Variants in MMS19 observed in about 807,000 individuals in gnomAD.
The protein encoded by MMS19 is MMS19 nucleotide excision repair protein homolog.
MMS19 carries 77 observed loss-of-function variants against 129.8 expected under a neutral mutation model. That is an observed-to-expected ratio of 0.59 (90% CI 0.49 to 0.72). The LOEUF (loss-of-function observed/expected upper bound fraction) is 0.72, where lower values mean the gene tolerates loss of function less well. MMS19 is among the 30% of genes least tolerant of loss of function. The pLI, the probability that MMS19 is intolerant of heterozygous loss-of-function variation, is 0.00. For synonymous variants in MMS19, 491 were observed against 502.8 expected (o/e 0.98, Z 0.31); for missense variants, 1,168 against 1,266.3 (o/e 0.92, Z 1.18).
chr10:97,458,948 A>G (rs1467252011), intron 29 of MMS19, 48 bp from the exon 30 acceptor site: 2 of 1,561,718 alleles, frequency 1.3e-6, no homozygotes, highest in Non-Finnish European at 1.8e-6. Flanking sequence ...AAGGCAACTG[A>G]AAGTACCGCT....
chr10:97,477,233 C>G (rs1181160990), intron 6 of MMS19, 114 bp downstream of exon 6: 14 of 1,561,036 alleles, frequency 9.0e-6, no homozygotes, highest in Non-Finnish European at 1.2e-5. Flanking sequence ...CTTTATCATT[C>G]TCTCTCAGGA....
intron 10 of MMS19, 135 bp downstream of exon 10, chr10:97,469,994 A>G: frequency 1.4e-6 from 1 of 703,014 alleles, no homozygotes. Context: ...CTTCAGGTCG[A>G]CACAAAGGCC....
rs29001248 is a variant in MMS19 at position 97,498,125 on chromosome 10, G to A, written c.112+148C>T. On this transcript the variant is annotated intron_variant, in intron 1 of 30. Coordinates refer to ENST00000438925, the MANE Select transcript of MMS19 (RefSeq NM_022362.5). ...CACAGGCAACTCTCTAACTTGTTAC[G>A]GCTCTGAACCTCGCGGTGCTCACTA... is the stretch of plus-strand genomic sequence containing the variant. The A allele has an allele frequency of 1.4e-3, 943 of 668,742 alleles. 14 individuals are homozygous for A. In the African/African-American group the frequency reaches 0.015, roughly 11 times the overall value. 41.4% of individuals were successfully genotyped at this position (668,742 alleles called of 1,614,324 possible).
At chr10:97,469,207 T>C (rs2034177894) in intron 11 of MMS19, 103 bp from the exon 12 acceptor site, 8 of 1,401,624 alleles carry the variant, frequency 5.7e-6, no homozygotes, top group Middle Eastern at 1.8e-4. Context: ...TGAGAACCTC[T>C]AGGACACAGA....
intron 9 of MMS19, among the ~76,000 whole-genome samples, 196 bp downstream of exon 9, chr10:97,470,579 G>A (rs749970526): frequency 6.6e-6 from 1 of 152,128 alleles, no homozygotes; most frequent in South Asian, 2.1e-4. Context: ...GTGTGCCACT[G>A]AATCCAGCTC....
chr10:97,470,872 G>A lies in MMS19; in HGVS notation c.685-11C>T, dbSNP rs751550120. On this transcript the variant is annotated splice_polypyrimidine_tract_variant and intron_variant, in intron 8 of 30. Transcript: ENST00000438925. The stretch of plus-strand genomic sequence containing the variant: ...GGGATCATTAGGTGGCTGGAAAAGG[G>A]AGAAGGGCTGTGGGTTTGTGTAACA... 1.2e-6 allele frequency: 2 copies of A among 1,613,054 alleles called. No individual in the cohort carries two copies. The highest frequency in any genetic ancestry group is 3.3e-5 in the Admixed American group (2 of 59,988).
At position 97,462,880 on chromosome 10, in the gene MMS19, G is replaced by A. The variant is rs938107300; in HGVS notation, c.1913-198C>T. On this transcript the variant is annotated intron_variant, in intron 19 of 30. Transcript: ENST00000438925. ...GAGTGGTCTGACCTGGGGCCACAGA[G>A]CGCTCCTGAGAACTCTGCACAGTCT... 1.4e-4 allele frequency: 83 copies of A among 590,490 alleles called. No homozygotes were observed. The Middle Eastern group carries it at 1.8e-3, about 13-fold the overall frequency. The allele number at this position is 590,490 out of a possible 1,614,324, so 36.6% of individuals were successfully genotyped here.
chr10:97,472,228 A>C (rs1009601415), intron 8 of MMS19, among the ~76,000 whole-genome samples: 3 of 152,190 alleles, frequency 2.0e-5, no homozygotes, highest in Non-Finnish European at 4.4e-5. Context: ...GCAAATGAAA[A>C]CTAGATAACT....
Position 97,477,943 on chromosome 10 carries a change from G to A in MMS19, c.349-14C>T, listed in dbSNP as rs763458602. 30 of 1,562,718 alleles carry A rather than the reference G, an allele frequency of 1.9e-5. No individual in the cohort carries two copies. Among genetic ancestry groups the A allele is most frequent in the South Asian group, 3.6e-5 (3 of 83,274 alleles). On this transcript the variant is annotated splice_polypyrimidine_tract_variant and intron_variant, in intron 4 of 30. Coordinates refer to ENST00000438925, the MANE Select transcript of MMS19 (RefSeq NM_022362.5). ...CACACACAGGCTCTGGGGGAGAGGA[G>A]AAGGTACGTGAATACCGAAGGAATT...
Position 97,498,420 on chromosome 10 carries a change from G to C in MMS19, c.-36C>G. ...AGAGACCGTGGGAGGGGATATGGGC[G>C]GTGGCTCGAGACGGGCTCTCCGCGC... On this transcript the variant is annotated 5_prime_UTR_variant, in exon 1 of 31. Transcript: ENST00000438925. 1 of 1,567,940 alleles carries C rather than the reference G, an allele frequency of 6.4e-7. No homozygotes were observed.
intron 8 of MMS19, among the ~76,000 whole-genome samples, chr10:97,472,681 C>A (rs938304614): frequency 6.6e-6 from 1 of 151,964 alleles, no homozygotes; most frequent in Non-Finnish European, 1.5e-5. Flanking sequence ...ATGATCTTGG[C>A]TCAATGCAAC....
Position 97,477,933 on chromosome 10 carries a change from G to T in MMS19, c.349-4C>A. Reference sequence around the variant, plus strand: ...GGGGCAGGGCCACACACAGGCTCTGGGGGAGAGGAGAAGGTACGTGAATAC... The same window carrying T: ...GGGGCAGGGCCACACACAGGCTCTGTGGGAGAGGAGAAGGTACGTGAATAC... On this transcript the variant is annotated splice_region_variant and splice_polypyrimidine_tract_variant and intron_variant, in intron 4 of 30. Coordinates refer to ENST00000438925, the MANE Select transcript of MMS19 (RefSeq NM_022362.5). 2 of 1,588,248 alleles carry T rather than the reference G, an allele frequency of 1.3e-6. No individual in the cohort carries two copies. Among genetic ancestry groups the T allele is most frequent in the Non-Finnish European group, 8.5e-7 (1 of 1,170,290 alleles).
At position 97,470,212 on chromosome 10, in the gene MMS19, C is replaced by G; in HGVS notation, c.772-9G>C. 6.3e-7 allele frequency: 1 copy of G among 1,597,650 alleles called. No homozygotes were observed. The highest frequency in any genetic ancestry group is 1.3e-5 in the African/African-American group (1 of 74,754). ...AACAGGGGCAGCAGAAACTGTGGGA[C>G]AGAAGGAAGATCTTAAGCCTGAGAT... On this transcript the variant is annotated splice_polypyrimidine_tract_variant and intron_variant, in intron 9 of 30. Transcript: ENST00000438925.
rs745450848 is a variant in MMS19, at chr10:97,467,498, A to G, written c.1297+7T>C. 6.2e-7 allele frequency: 1 copy of G among 1,612,032 alleles called. No individual in the cohort carries two copies. The highest frequency in any genetic ancestry group is 8.5e-7 in the Non-Finnish European group (1 of 1,178,268). ...CCCCAGAGCACTGCAATGGAAGGCA[A>G]CCTCACCTTTGTCTTCATAGCTCCA... On this transcript the variant is annotated splice_region_variant and intron_variant, in intron 14 of 30. Coordinates refer to ENST00000438925, the MANE Select transcript of MMS19 (RefSeq NM_022362.5).
chr10:97,479,375 A>G (rs564241212), intron 3 of MMS19, among the ~76,000 whole-genome samples: 1 of 152,094 alleles, frequency 6.6e-6, no homozygotes, highest in East Asian at 1.9e-4. Context: ...TCTTGTGAGG[A>G]CCCTTAGATC....
At chr10:97,496,511 C>CAAAAA (rs11357826) in intron 1 of MMS19, among the ~76,000 whole-genome samples, 6 of 108,054 alleles carry the variant, frequency 5.6e-5, no homozygotes, top group Non-Finnish European at 5.9e-5. Flanking sequence ...GACCTTGTCT[C>CAAAAA]AAAAAAAAAA....
chr10:97,485,826 A>C (rs531572249), intron 1 of MMS19, among the ~76,000 whole-genome samples: 2 of 152,366 alleles, frequency 1.3e-5, no homozygotes, highest in African/African-American at 4.8e-5. Flanking sequence ...AAGAGATAAC[A>C]AGTGCTGGTG....
At chr10:97,486,455 G>C (rs1397615047) in intron 1 of MMS19, among the ~76,000 whole-genome samples, 1 of 152,172 alleles carries the variant, frequency 6.6e-6, no homozygotes, top group African/African-American at 2.4e-5. Flanking sequence ...TGCTGGGATT[G>C]CAGGCGTGAG....
chr10:97,488,803 A>T (rs2038368104), intron 1 of MMS19, among the ~76,000 whole-genome samples: 1 of 152,242 alleles, frequency 6.6e-6, no homozygotes, highest in African/African-American at 2.4e-5. Flanking sequence ...GAAAGTGCAA[A>T]ATAATGCATG....
Sources: allele counts gnomAD v4.1 joint callset (sites outside exome capture counted in the v4.1 genomes callset), GRCh38; gene constraint gnomAD v4.1.1; transcripts MANE v1.5; gene names NCBI Gene and HGNC (gene_info 2026-07-23, HGNC 2026-07-21).